Variants in ZBTB7C observed in about 807,000 individuals in gnomAD.
ZBTB7C encodes zinc finger and BTB domain-containing protein 7C.
Under a neutral mutation model 25.7 loss-of-function variants are expected in ZBTB7C, and 8 were observed. That is an observed-to-expected ratio of 0.31 (90% CI 0.18 to 0.56). The LOEUF (loss-of-function observed/expected upper bound fraction) is 0.56. ZBTB7C is among the 20% of genes least tolerant of loss of function. The pLI is 0.91. For missense variants in ZBTB7C, 824 were observed against 855.2 expected (o/e 0.96, Z 0.46); for synonymous variants, 394 against 369.0 (o/e 1.07, Z -0.78).
At chr18:48,227,384 GT>G (rs1230727801) in intron 2 of ZBTB7C, among the ~76,000 whole-genome samples, 1 of 152,228 alleles carries the variant, frequency 6.6e-6, no homozygotes, top group Non-Finnish European at 1.5e-5. Context: ...ATTTCTGGGG[GT>G]TTGTGGCTGA....
At chr18:48,344,058 C>T (rs2046667944) in intron 1 of ZBTB7C, among the ~76,000 whole-genome samples, 1 of 152,186 alleles carries the variant, frequency 6.6e-6, no homozygotes, top group African/African-American at 2.4e-5. Flanking sequence ...GATCTCGGCT[C>T]ACTGCAACCT....
chr18:48,272,257 G>C (rs929756820), intron 2 of ZBTB7C, among the ~76,000 whole-genome samples: 4 of 152,216 alleles, frequency 2.6e-5, no homozygotes, highest in Admixed American at 2.6e-4. Flanking sequence ...GGCCAAAGTA[G>C]GACAAAAGGG....
intron 3 of ZBTB7C, among the ~76,000 whole-genome samples, chr18:48,055,410 C>CAA (rs57782791): frequency 4.0e-3 from 286 of 72,180 alleles, no homozygotes; most frequent in Middle Eastern, 7.0e-3. Context: ...ACTCAAGTCT[C>CAA]AAAAAAAAAA....
At chr18:48,126,546 C>T (rs2039806424) in intron 3 of ZBTB7C, among the ~76,000 whole-genome samples, 2 of 152,222 alleles carry the variant, frequency 1.3e-5, no homozygotes, top group South Asian at 2.1e-4. Flanking sequence ...TCTAGCTCCC[C>T]GGGGGAGATG....
chr18:48,397,116 T>A (rs1184781531), intron 1 of ZBTB7C, among the ~76,000 whole-genome samples: 3 of 152,224 alleles, frequency 2.0e-5, no homozygotes, highest in African/African-American at 7.2e-5. Context: ...AAGTGGATAA[T>A]CTCTTCCTAA....
upstream of ZBTB7C, among the ~76,000 whole-genome samples, chr18:48,410,321 C>T (rs1662686096): frequency 6.6e-6 from 1 of 152,188 alleles, no homozygotes; most frequent in Non-Finnish European, 1.5e-5. Flanking sequence ...GCCCCGCACT[C>T]CGCACCCCAC....
intron 2 of ZBTB7C, among the ~76,000 whole-genome samples, chr18:48,331,686 G>A (rs1488265133): frequency 6.6e-6 from 1 of 152,100 alleles, no homozygotes; most frequent in Non-Finnish European, 1.5e-5. Context: ...TTTTGCATGT[G>A]ACCCTACCGT....
At chr18:48,355,937 G>C (rs555320087) in intron 1 of ZBTB7C, among the ~76,000 whole-genome samples, 1 of 152,172 alleles carries the variant, frequency 6.6e-6, no homozygotes, top group Non-Finnish European at 1.5e-5. Flanking sequence ...AGAAGTTCAC[G>C]TTGGCTTTCT....
intron 1 of ZBTB7C, among the ~76,000 whole-genome samples, chr18:48,382,617 G>A (rs924599283): frequency 2.0e-5 from 3 of 152,208 alleles, no homozygotes; most frequent in African/African-American, 7.2e-5. Context: ...TATTATTCAA[G>A]CCACAAAAGA....
intron 2 of ZBTB7C, among the ~76,000 whole-genome samples, chr18:48,288,411 G>A (rs2045120829): frequency 6.6e-6 from 1 of 151,778 alleles, no homozygotes; most frequent in Non-Finnish European, 1.5e-5. Context: ...ACTTTGGGAG[G>A]CCAAACCGGG....
chr18:48,326,528 T>G (rs528673907), intron 2 of ZBTB7C, among the ~76,000 whole-genome samples: 5 of 152,230 alleles, frequency 3.3e-5, no homozygotes, highest in Admixed American at 2.0e-4. Flanking sequence ...ATGACCCAAG[T>G]CGGTCCCTCC....
At chr18:48,370,848 G>C (rs1181431502) in intron 1 of ZBTB7C, among the ~76,000 whole-genome samples, 2 of 152,148 alleles carry the variant, frequency 1.3e-5, no homozygotes, top group African/African-American at 4.8e-5. Context: ...TGTAAGGTCA[G>C]AGAAAGCACC....
chr18:48,052,466 C>G (rs1450649005), intron 3 of ZBTB7C, among the ~76,000 whole-genome samples: 1 of 152,212 alleles, frequency 6.6e-6, no homozygotes, highest in Non-Finnish European at 1.5e-5. Flanking sequence ...AGTGTGCTGT[C>G]TGCATGCCTC....
chr18:48,372,142 T>C (rs2145166236), intron 1 of ZBTB7C, among the ~76,000 whole-genome samples: 1 of 152,240 alleles, frequency 6.6e-6, no homozygotes, highest in East Asian at 1.9e-4. Context: ...GCCCCAGTGC[T>C]CACCTGGCTG....
chr18:48,165,053 AG>A, intron 3 of ZBTB7C: 2 of 1,254,328 alleles, frequency 1.6e-6, no homozygotes, highest in Non-Finnish European at 2.1e-6. Flanking sequence ...GCTGATCAAG[AG>A]GTAGATCACC....
At chr18:48,193,627 TCA>T (rs943483000) in intron 2 of ZBTB7C, among the ~76,000 whole-genome samples, 1 of 152,180 alleles carries the variant, frequency 6.6e-6, no homozygotes, top group African/African-American at 2.4e-5. Context: ...AGAGCATATC[TCA>T]GAGATGACTC....
At chr18:48,225,862 C>T (rs750521035) in intron 2 of ZBTB7C, among the ~76,000 whole-genome samples, 1 of 152,180 alleles carries the variant, frequency 6.6e-6, no homozygotes, top group Non-Finnish European at 1.5e-5. Context: ...CCTGCCTCAG[C>T]CTCCCGAGTA....
At chr18:48,387,518 C>T (rs2047777249) in intron 1 of ZBTB7C, among the ~76,000 whole-genome samples, 2 of 152,206 alleles carry the variant, frequency 1.3e-5, no homozygotes, top group Admixed American at 6.5e-5. Context: ...CTAGCTGCCT[C>T]CTACCATGAA....
intron 3 of ZBTB7C, among the ~76,000 whole-genome samples, chr18:48,131,973 A>C (rs977204886): frequency 1.3e-5 from 2 of 152,218 alleles, no homozygotes; most frequent in Non-Finnish European, 2.9e-5. Flanking sequence ...GTAAAAAAAC[A>C]TTCTGGTAGT....
Sources: gnomAD v4.1 joint callset for allele counts (sites outside exome capture counted in the v4.1 genomes callset) on GRCh38, gnomAD v4.1.1 for gene constraint, MANE v1.5 for transcripts, NCBI Gene and HGNC (gene_info 2026-07-23, HGNC 2026-07-21) for gene names.